TBC1D14: variants seen among roughly 807,000 people sequenced by gnomAD.
TBC1D14 encodes the protein TBC1 domain family member 14, also known as TBC1 domain family, member 14.
TBC1D14 carries 26 observed loss-of-function variants against 79.0 expected under a neutral mutation model. That is an observed-to-expected ratio of 0.33 (90% CI 0.24 to 0.46). TBC1D14 has a LOEUF of 0.46. Among genes scored for constraint, TBC1D14 ranks in the 20% least tolerant of loss-of-function variants. The probability of loss-of-function intolerance (pLI) is 1.00; values close to 1 mark genes in which losing one functional copy is unlikely to be tolerated. For synonymous variants in TBC1D14, 394 were observed against 349.9 expected, an observed-to-expected ratio of 1.13 and a Z score of -1.40; for missense variants, 769 against 887.6, an observed-to-expected ratio of 0.87 and a Z score of 1.70.
chr4:7,014,447 G>GA lies in TBC1D14; in HGVS notation c.1648dup (p.Met550AsnfsTer9), dbSNP rs1378983673. 1.2e-6 allele frequency: 2 copies of GA among 1,604,652 alleles called. No homozygotes were observed. The highest frequency in any genetic ancestry group is 1.7e-6 in the Non-Finnish European group (2 of 1,171,810). On this transcript the variant is annotated frameshift_variant and splice_region_variant. Coordinates refer to ENST00000409757, the MANE Select transcript of TBC1D14 (RefSeq NM_020773.3). LOFTEE classifies it high-confidence loss of function. ...GAGTAAATTTCATATTATCTCCCTA[G>GA]ATGTTGACTTATTTTGCTGCATTTG...
At chr4:7,007,840 A>G (rs1277093170) in intron 9 of TBC1D14, among the ~76,000 whole-genome samples, 1 of 152,072 alleles carries the variant, frequency 6.6e-6, no homozygotes, top group Admixed American at 6.5e-5. Flanking sequence ...CTTGGAGGGG[A>G]AAGACTTTCT....
At chr4:6,937,678 C>T (rs190066560) in intron 2 of TBC1D14, among the ~76,000 whole-genome samples, 126 of 152,266 alleles carry the variant, frequency 8.3e-4, no homozygotes, top group African/African-American at 2.7e-3. Context: ...CACAGGTACA[C>T]GTGCAGGGCA....
Position 7,030,310 on chromosome 4 carries a change from T to C in TBC1D14, c.2017-17T>C. 1.2e-6 allele frequency: 2 copies of C among 1,613,110 alleles called. No individual in the cohort carries two copies. The highest frequency in any genetic ancestry group is 1.7e-6 in the Non-Finnish European group (2 of 1,179,164). On this transcript the variant is annotated splice_polypyrimidine_tract_variant and intron_variant, in intron 13 of 13. Coordinates refer to ENST00000409757, the MANE Select transcript of TBC1D14 (RefSeq NM_020773.3). ...GCGTGGTCACTTAACCTCAGCTGTCTTCCCTGTGACTTCTAGGTACTGACT... is the reference window on the plus strand; with the variant it reads ...GCGTGGTCACTTAACCTCAGCTGTCCTCCCTGTGACTTCTAGGTACTGACT...
intron 2 of TBC1D14, among the ~76,000 whole-genome samples, chr4:6,965,283 G>A (rs369884070): frequency 1.3e-5 from 2 of 151,928 alleles, no homozygotes; most frequent in African/African-American, 4.8e-5. Flanking sequence ...TCAGCCTCCC[G>A]AGTAGCTGGG....
chr4:6,929,092 T>TG (rs1724512283), intron 2 of TBC1D14, among the ~76,000 whole-genome samples: 1 of 152,176 alleles, frequency 6.6e-6, no homozygotes, highest in African/African-American at 2.4e-5. Context: ...GGACCTGCAT[T>TG]GCTGCTGGTG....
intron 2 of TBC1D14, among the ~76,000 whole-genome samples, chr4:6,946,077 C>T (rs938102838): frequency 3.9e-5 from 6 of 152,074 alleles, no homozygotes; most frequent in Non-Finnish European, 8.8e-5. Flanking sequence ...CTTTATCGCA[C>T]GATCTGAGGC....
intron 3 of TBC1D14, among the ~76,000 whole-genome samples, chr4:6,992,000 T>G (rs1718550652): frequency 6.6e-6 from 1 of 152,196 alleles, no homozygotes; most frequent in Non-Finnish European, 1.5e-5. Flanking sequence ...GAGCATGGTT[T>G]TCTGCCTTTC....
At chr4:6,954,210 G>C (rs1027263518) in intron 2 of TBC1D14, 11 of 705,464 alleles carry the variant, frequency 1.6e-5, no homozygotes, top group Admixed American at 6.0e-5. Flanking sequence ...GAGTTTCCCC[G>C]GGACTGTGGC....
At chr4:6,916,519 C>G (rs1560238428) in intron 1 of TBC1D14, among the ~76,000 whole-genome samples, 1 of 152,140 alleles carries the variant, frequency 6.6e-6, no homozygotes, top group Non-Finnish European at 1.5e-5. Flanking sequence ...AGGAGAAAAT[C>G]AAGCAGTTGC....
intron 12 of TBC1D14, among the ~76,000 whole-genome samples, chr4:7,018,678 G>A (rs534293024): frequency 1.8e-4 from 28 of 152,300 alleles, no homozygotes; most frequent in South Asian, 8.3e-4. Flanking sequence ...TTCCAACACC[G>A]CCTTCCTGGC....
intron 9 of TBC1D14, 94 bp from the exon 10 acceptor site, chr4:7,009,783 G>A: frequency 2.5e-6 from 3 of 1,218,734 alleles, no homozygotes; most frequent in Non-Finnish European, 2.4e-6. Flanking sequence ...GAAAATAGCA[G>A]GAGTGGCAGC....
chr4:7,007,430 C>A, intron 9 of TBC1D14: 1 of 677,038 alleles, frequency 1.5e-6, no homozygotes, highest in South Asian at 1.7e-5. Flanking sequence ...TCTTTTGATC[C>A]CTTTCTTATC....
chr4:6,937,993 G>A (rs1262283360), intron 2 of TBC1D14, among the ~76,000 whole-genome samples: 1 of 152,166 alleles, frequency 6.6e-6, no homozygotes, highest in Non-Finnish European at 1.5e-5. Flanking sequence ...GCCTGGTCCA[G>A]GAGTGTTGGA....
chr4:6,974,083 C>T (rs139003209), intron 3 of TBC1D14, among the ~76,000 whole-genome samples: 3,521 of 152,232 alleles, frequency 0.023, 64 homozygotes, highest in Non-Finnish European at 0.035. Context: ...CTTGGCCTCC[C>T]AGAGTGCTGG....
intron 2 of TBC1D14, among the ~76,000 whole-genome samples, chr4:6,960,396 C>T (rs536924171): frequency 2.6e-5 from 4 of 152,140 alleles, no homozygotes; most frequent in East Asian, 1.9e-4. Context: ...CTGGCCTACC[C>T]CGTGCCTTTT....
intron 1 of TBC1D14, among the ~76,000 whole-genome samples, chr4:6,911,069 G>C (rs1358164558): frequency 6.6e-6 from 1 of 152,128 alleles, no homozygotes; most frequent in Non-Finnish European, 1.5e-5. Flanking sequence ...TGTCTGGACC[G>C]GGCTAGTCCT....
intron 3 of TBC1D14, among the ~76,000 whole-genome samples, chr4:6,968,987 G>A (rs1715972906): frequency 6.6e-6 from 1 of 152,190 alleles, no homozygotes; most frequent in Non-Finnish European, 1.5e-5. Context: ...GGGGTGAGGC[G>A]GGAGCGCAGT....
chr4:6,933,819 G>A (rs1560257011), intron 2 of TBC1D14, among the ~76,000 whole-genome samples: 2 of 152,218 alleles, frequency 1.3e-5, no homozygotes, highest in African/African-American at 2.4e-5. Flanking sequence ...GGAGGCTTCC[G>A]GGCAGGGGAA....
intron 2 of TBC1D14, among the ~76,000 whole-genome samples, chr4:6,938,483 A>T (rs1479963385): frequency 2.6e-5 from 4 of 151,976 alleles, no homozygotes; most frequent in African/African-American, 9.7e-5. Flanking sequence ...TCTCCAGGGG[A>T]TCCCAGCCTC....
Sources: allele counts gnomAD v4.1 joint callset (sites outside exome capture counted in the v4.1 genomes callset), GRCh38; gene constraint gnomAD v4.1.1; transcripts MANE v1.5; gene names NCBI Gene and HGNC (gene_info 2026-07-23, HGNC 2026-07-21).